The following ASH1L variants were observed in gnomAD, a reference collection of about 807,000 sequenced individuals.
ASH1L encodes the protein histone-lysine N-methyltransferase ASH1L.
Under a neutral mutation model 269.0 loss-of-function variants are expected in ASH1L, and 23 were observed. The observed-to-expected ratio is 0.09, with a 90% CI of 0.06 to 0.12. The LOEUF (loss-of-function observed/expected upper bound fraction) is 0.12. Among genes scored for constraint, ASH1L ranks in the 10% least tolerant of loss-of-function variants. The probability of loss-of-function intolerance (pLI) is 1.00; values close to 1 mark genes in which losing one functional copy is unlikely to be tolerated. For missense variants in ASH1L, 2,912 were observed against 3,567.8 expected (o/e 0.82, Z 4.68); for synonymous variants, 1,187 against 1,253.5 (o/e 0.95, Z 1.12).
intron 5 of ASH1L, chr1:155,434,015 T>C: frequency 6.3e-7 from 1 of 1,589,662 alleles, no homozygotes; most frequent in Non-Finnish European, 8.6e-7. Flanking sequence ...AGTGTGGTTC[T>C]GTAACCGGTG....
At chr1:155,360,753 A>C (rs1311801106) in intron 12 of ASH1L, among the ~76,000 whole-genome samples, 1 of 151,996 alleles carries the variant, frequency 6.6e-6, no homozygotes, top group Non-Finnish European at 1.5e-5. Flanking sequence ...TCCACTTTTA[A>C]TCTCTTTTCT....
At chr1:155,447,513 A>AACCACCACACTCAGCCTT (rs1277893997) in intron 4 of ASH1L, among the ~76,000 whole-genome samples, 1 of 152,158 alleles carries the variant, frequency 6.6e-6, no homozygotes, top group Admixed American at 6.6e-5. Context: ...TACAGGAGTG[A>AACCACCACACTCAGCCTT]ACCACCACAC....
At chr1:155,471,480 C>T (rs921539117) in intron 3 of ASH1L, among the ~76,000 whole-genome samples, 4 of 152,208 alleles carry the variant, frequency 2.6e-5, no homozygotes, top group Non-Finnish European at 4.4e-5. Context: ...TCCGGCCTAC[C>T]TAACAGAGCC....
chr1:155,433,536 C>T (rs1292652311), intron 5 of ASH1L: 1 of 1,610,528 alleles, frequency 6.2e-7, no homozygotes, highest in African/African-American at 1.3e-5. Flanking sequence ...ACCGTCCCCC[C>T]TGGTGCCGTG....
At chr1:155,337,797 T>TAA (rs1558008512) in intron 27 of ASH1L, 46 bp from the exon 28 acceptor site, 2 of 1,530,252 alleles carry the variant, frequency 1.3e-6, no homozygotes, top group Non-Finnish European at 1.8e-6. Context: ...AATCTCCTAC[T>TAA]CCTTATTCCA....
intron 2 of ASH1L, among the ~76,000 whole-genome samples, chr1:155,510,065 AT>A (rs112915323): frequency 0.011 from 1,633 of 152,276 alleles, 42 homozygotes; most frequent in African/African-American, 0.038. Context: ...AAAGCTAAAT[AT>A]TTCTGCATGG....
At chr1:155,461,061 T>A (rs916985084) in intron 3 of ASH1L, among the ~76,000 whole-genome samples, 2 of 152,016 alleles carry the variant, frequency 1.3e-5, no homozygotes, top group Admixed American at 1.3e-4. Flanking sequence ...TGGGAAAAAA[T>A]TACAAATAAA....
chr1:155,399,299 T>C (rs1480544892), intron 6 of ASH1L, among the ~76,000 whole-genome samples: 1 of 152,152 alleles, frequency 6.6e-6, no homozygotes, highest in African/African-American at 2.4e-5. Context: ...GGACAACAAG[T>C]ATGTATGTAG....
chr1:155,528,232 T>C (rs1007584681), intron 1 of ASH1L, among the ~76,000 whole-genome samples: 4 of 152,192 alleles, frequency 2.6e-5, no homozygotes, highest in Admixed American at 6.5e-5. Context: ...TTTCAAAATA[T>C]GGTAATTCCA....
At chr1:155,401,245 G>A (rs1049194065) in intron 6 of ASH1L, among the ~76,000 whole-genome samples, 24 of 152,072 alleles carry the variant, frequency 1.6e-4, no homozygotes, top group African/African-American at 5.8e-4. Flanking sequence ...GGGAGGCCAA[G>A]GCAGGCGGAT....
At chr1:155,425,682 C>T (rs1395396468) in intron 5 of ASH1L, among the ~76,000 whole-genome samples, 5 of 152,022 alleles carry the variant, frequency 3.3e-5, no homozygotes, top group Non-Finnish European at 7.4e-5. Flanking sequence ...GATCTGCCTG[C>T]CTTGGCCTCC....
intron 10 of ASH1L, among the ~76,000 whole-genome samples, chr1:155,376,976 T>G (rs1487443400): frequency 6.7e-6 from 1 of 149,902 alleles, no homozygotes; most frequent in African/African-American, 2.4e-5. Flanking sequence ...GGCAGGACCT[T>G]GGCTCACTGC....
At chr1:155,525,911 T>C (rs1669216575) in intron 1 of ASH1L, among the ~76,000 whole-genome samples, 3 of 152,158 alleles carry the variant, frequency 2.0e-5, no homozygotes. Flanking sequence ...TCCTGTATAC[T>C]TGAAATCATC....
chr1:155,406,286 A>G (rs1345364971), intron 6 of ASH1L, among the ~76,000 whole-genome samples: 2 of 152,086 alleles, frequency 1.3e-5, no homozygotes, highest in Admixed American at 1.3e-4. Context: ...TTTTTTGCAG[A>G]AATAGATAAG....
intron 3 of ASH1L, among the ~76,000 whole-genome samples, chr1:155,470,388 G>A (rs1665007006): frequency 6.6e-6 from 1 of 151,998 alleles, no homozygotes; most frequent in African/African-American, 2.4e-5. Flanking sequence ...GAGCCTGGGA[G>A]GCGGAGGTTG....
intron 6 of ASH1L, among the ~76,000 whole-genome samples, chr1:155,407,227 A>C (rs982773322): frequency 4.6e-5 from 7 of 152,220 alleles, no homozygotes; most frequent in Admixed American, 1.3e-4. Context: ...CGTCTCAAAA[A>C]AAAAAGTAAA....
Position 155,479,944 on chromosome 1 carries a change from C to T in ASH1L, c.2926G>A (p.Gly976Arg). 1.2e-6 allele frequency: 2 copies of T among 1,613,394 alleles called. No homozygotes were observed. The highest frequency in any genetic ancestry group is 1.7e-6 in the Non-Finnish European group (2 of 1,179,834). The part of the protein sequence containing the change: ...PDKKITKRNN[G>R]QLMKTIIRKI... ...CGGATAATTGTTTTCATTAATTGTC[C>T]ATTGTTTCTCTTGGTAATTTTTTTA... The change falls in exon 3 of 28, where the codon GGA becomes AGA. Residue 976 changes from glycine to arginine, a missense_variant. Gly to Arg is a moderately radical substitution (Grantham distance 125). Coordinates refer to ENST00000392403, the MANE Select transcript of ASH1L (RefSeq NM_018489.3).
At chr1:155,463,246 C>G (rs75320037) in intron 3 of ASH1L, among the ~76,000 whole-genome samples, 1 of 151,982 alleles carries the variant, frequency 6.6e-6, no homozygotes, top group African/African-American at 2.4e-5. Context: ...GAGTCGAGTG[C>G]GATATCGTGT....
chr1:155,414,747 CTT>C (rs1489330047), intron 6 of ASH1L, among the ~76,000 whole-genome samples: 5 of 152,128 alleles, frequency 3.3e-5, no homozygotes, highest in African/African-American at 1.2e-4. Flanking sequence ...TATGAAAAAT[CTT>C]TGTATCCTTT....
Sources: gnomAD v4.1 joint callset for allele counts (sites outside exome capture counted in the v4.1 genomes callset) on GRCh38, gnomAD v4.1.1 for gene constraint, MANE v1.5 for transcripts, NCBI Gene and HGNC (gene_info 2026-07-23, HGNC 2026-07-21) for gene names.